FOXP1: variants seen among roughly 807,000 people sequenced by gnomAD.
The protein encoded by FOXP1 is forkhead box protein P1.
FOXP1 carries 15 observed loss-of-function variants against 98.2 expected under a neutral mutation model. That is an observed-to-expected ratio of 0.15 (90% CI 0.10 to 0.24). The LOEUF is 0.24. Among genes scored for constraint, FOXP1 ranks in the 10% least tolerant of loss-of-function variants. The pLI is 1.00. For synonymous variants in FOXP1, 371 were observed against 314.5 expected, an observed-to-expected ratio of 1.18 and a Z score of -1.90; for missense variants, 633 against 848.5, an observed-to-expected ratio of 0.75 and a Z score of 3.15.
chr3:71,393,869 A>T (rs950598438), intron 3 of FOXP1, among the ~76,000 whole-genome samples: 4 of 152,088 alleles, frequency 2.6e-5, no homozygotes, highest in Non-Finnish European at 5.9e-5. Context: ...CATTTTTTAA[A>T]TTTTTTGTAG....
intron 3 of FOXP1, among the ~76,000 whole-genome samples, chr3:71,387,140 T>C (rs568586212): frequency 1.4e-4 from 21 of 152,366 alleles, no homozygotes; most frequent in African/African-American, 5.0e-4. Flanking sequence ...AAATGCTTCA[T>C]GACGGTAACA....
intron 7 of FOXP1, among the ~76,000 whole-genome samples, chr3:71,071,448 A>G (rs2053218734): frequency 6.6e-6 from 1 of 152,232 alleles, no homozygotes; most frequent in Non-Finnish European, 1.5e-5. Flanking sequence ...AGTACTACAT[A>G]TGACTTAGGA....
intron 6 of FOXP1, chr3:71,130,375 A>G: frequency 1.1e-6 from 1 of 951,842 alleles, no homozygotes; most frequent in South Asian, 1.5e-5. Context: ...GGGGGAGGAA[A>G]AAAAGCAGTA....
At chr3:70,977,266 TATTA>T (rs1273865724) in intron 16 of FOXP1, among the ~76,000 whole-genome samples, 2 of 152,110 alleles carry the variant, frequency 1.3e-5, no homozygotes, top group Non-Finnish European at 2.9e-5. Flanking sequence ...CGTACAGAAA[TATTA>T]ATTTATTAGT....
intron 2 of FOXP1, among the ~76,000 whole-genome samples, chr3:71,522,526 C>T (rs1298290211): frequency 1.3e-5 from 2 of 152,142 alleles, no homozygotes; most frequent in African/African-American, 2.4e-5. Flanking sequence ...TGATTCTCAG[C>T]GTCTTCTTTC....
chr3:71,297,599 T>G (rs2073434630), intron 5 of FOXP1, among the ~76,000 whole-genome samples: 2 of 145,532 alleles, frequency 1.4e-5, no homozygotes, highest in Non-Finnish European at 3.0e-5. Flanking sequence ...TTTCTACCAC[T>G]TTTTCAGCTT....
intron 11 of FOXP1, among the ~76,000 whole-genome samples, chr3:71,035,147 A>T (rs2047413409): frequency 6.6e-6 from 1 of 152,174 alleles, no homozygotes; most frequent in African/African-American, 2.4e-5. Flanking sequence ...CTGAGTTTCT[A>T]ACAAGCTTCC....
At chr3:71,070,897 C>A (rs2053140650) in intron 7 of FOXP1, among the ~76,000 whole-genome samples, 1 of 152,176 alleles carries the variant, frequency 6.6e-6, no homozygotes, top group Non-Finnish European at 1.5e-5. Flanking sequence ...GCTTTAGATG[C>A]CGAGTAAATG....
At chr3:71,569,067 T>C (rs527968400) in intron 2 of FOXP1, among the ~76,000 whole-genome samples, 65 of 152,348 alleles carry the variant, frequency 4.3e-4, no homozygotes, top group African/African-American at 1.5e-3. Flanking sequence ...TTCTCAAAAA[T>C]TTTTATTTAA....
chr3:70,972,496 C>T (rs747593709), intron 18 of FOXP1, 59 bp downstream of exon 18: 34 of 1,610,412 alleles, frequency 2.1e-5, no homozygotes, highest in African/African-American at 1.9e-4. Flanking sequence ...AAAGCCTCTA[C>T]GTTATACTTG....
chr3:71,379,789 T>C (rs181083713), intron 3 of FOXP1, among the ~76,000 whole-genome samples: 2 of 152,348 alleles, frequency 1.3e-5, no homozygotes, highest in East Asian at 1.9e-4. Context: ...AAAGACCAGA[T>C]GGCCTGTGAA....
At chr3:70,967,167 T>G (rs945847883) in intron 19 of FOXP1, among the ~76,000 whole-genome samples, 8 of 152,244 alleles carry the variant, frequency 5.3e-5, no homozygotes, top group Admixed American at 2.6e-4. Context: ...GCATAGTGAC[T>G]TCCACTGGCC....
At chr3:71,260,994 T>G (rs1401634120) in intron 5 of FOXP1, among the ~76,000 whole-genome samples, 1 of 152,174 alleles carries the variant, frequency 6.6e-6, no homozygotes, top group African/African-American at 2.4e-5. Context: ...TAATAAAGTT[T>G]AGAATTTGTT....
At chr3:71,016,934 T>C (rs2107753055) in intron 11 of FOXP1, among the ~76,000 whole-genome samples, 1 of 152,146 alleles carries the variant, frequency 6.6e-6, no homozygotes, top group African/African-American at 2.4e-5. Context: ...CTGAATAATT[T>C]TGCTGGAAAT....
At chr3:71,314,175 T>C (rs902335158) in intron 4 of FOXP1, among the ~76,000 whole-genome samples, 2 of 152,316 alleles carry the variant, frequency 1.3e-5, no homozygotes, top group South Asian at 4.1e-4. Context: ...TCAGGGATGA[T>C]ATAACTTAAA....
At chr3:71,477,508 A>C (rs2089946780) in intron 3 of FOXP1, among the ~76,000 whole-genome samples, 1 of 152,240 alleles carries the variant, frequency 6.6e-6, no homozygotes, top group African/African-American at 2.4e-5. Flanking sequence ...AAAAAGTAAA[A>C]ATATAAAATT....
At chr3:71,137,492 G>C (rs1269058270) in intron 6 of FOXP1, among the ~76,000 whole-genome samples, 1 of 152,138 alleles carries the variant, frequency 6.6e-6, no homozygotes, top group Non-Finnish European at 1.5e-5. Flanking sequence ...GGGAACATTA[G>C]ATGCATGAGG....
At position 70,979,316 on chromosome 3, in the gene FOXP1, A is replaced by AAAAAAAAAAAAAAAAAAAG. The variant is rs1553670621; in HGVS notation, c.1147-1288_1147-1287insCTTTTTTTTTTTTTTTTTT. Among the ~76,000 whole-genome samples the AAAAAAAAAAAAAAAAAAAG allele has an allele frequency of 9.3e-5, 9 of 96,500 alleles. 1 individual carries two copies. The highest frequency in any genetic ancestry group is 1.4e-4 in the Non-Finnish European group (7 of 50,026). The allele number at this position is 96,500 out of a possible 152,430, so 63.3% of individuals were successfully genotyped here. On this transcript the variant is annotated intron_variant, in intron 14 of 20. Transcript: ENST00000649528. ...AAAAAAAAAAAAAAAAAAAAAAAAA[A>AAAAAAAAAAAAAAAAAAAG]AAAAGAAAAAAATAAATTAATGAGC... is the stretch of plus-strand genomic sequence containing the variant.
At chr3:71,374,498 C>T (rs2079565750) in intron 3 of FOXP1, among the ~76,000 whole-genome samples, 1 of 151,536 alleles carries the variant, frequency 6.6e-6, no homozygotes. Flanking sequence ...GAGGCTGAGG[C>T]AGAAGAATTG....
Sources: allele counts gnomAD v4.1 joint callset (sites outside exome capture counted in the v4.1 genomes callset), GRCh38; gene constraint gnomAD v4.1.1; transcripts MANE v1.5; gene names NCBI Gene and HGNC (gene_info 2026-07-23, HGNC 2026-07-21).